Variants in TMPRSS3 observed in about 807,000 individuals in gnomAD.
TMPRSS3 encodes transmembrane protease serine 3.
TMPRSS3 carries 55 observed loss-of-function variants against 59.6 expected under a neutral mutation model. That is an observed-to-expected ratio of 0.92 (90% CI 0.74 to 1.16). The LOEUF (loss-of-function observed/expected upper bound fraction) is 1.16. Ranked by LOEUF, TMPRSS3 falls within the 50% of genes most tolerant of loss-of-function variation. The pLI is 0.00. For synonymous variants in TMPRSS3, 257 were observed against 237.7 expected (o/e 1.08, Z -0.75); for missense variants, 596 against 579.4 (o/e 1.03, Z -0.29).
chr21:42,394,073 A>G (rs2052767311), intron 2 of TMPRSS3, among the ~76,000 whole-genome samples: 1 of 152,214 alleles, frequency 6.6e-6, no homozygotes, highest in African/African-American at 2.4e-5. Context: ...GTCGTGGGTA[A>G]TTTTTAAAAA....
At chr21:42,385,926 G>A (rs776538956) in intron 5 of TMPRSS3, among the ~76,000 whole-genome samples, 5 of 152,080 alleles carry the variant, frequency 3.3e-5, no homozygotes, top group Non-Finnish European at 5.9e-5. Flanking sequence ...CAGTATTGTC[G>A]GGGGGCACCC....
intron 5 of TMPRSS3, among the ~76,000 whole-genome samples, chr21:42,385,811 C>T (rs1386648740): frequency 6.6e-6 from 1 of 152,196 alleles, no homozygotes; most frequent in Non-Finnish European, 1.5e-5. Context: ...CAGTGAGTGA[C>T]CATCTCCTAT....
At position 42,383,058 on chromosome 21, in the gene TMPRSS3, T is replaced by C. The variant is rs2839500; in HGVS notation, c.757A>G (p.Ile253Val). The change falls in exon 8 of 13, where the codon ATC (isoleucine) becomes GTC (valine). Residue 253 changes from isoleucine (I) to valine (V), a missense_variant. Ile to Val is a conservative substitution (Grantham distance 29). Transcript: ENST00000644384. ...GGSVITPLWI[I>V]TAAHCVYDLY... ...TCATAAACACAGTGTGCAGCAGTGATGATCCACAGGGGCGTGATGACAGAG... is the reference window on the plus strand; with the variant it reads ...TCATAAACACAGTGTGCAGCAGTGACGATCCACAGGGGCGTGATGACAGAG... 210,542 of 1,613,874 alleles carry C rather than the reference T, an allele frequency of 0.13. 16,820 individuals are homozygous for C. Among genetic ancestry groups the C allele is most frequent in the East Asian group, 0.33 (14,642 of 44,858 alleles).
chr21:42,379,706 T>C (rs1243301054), intron 10 of TMPRSS3, among the ~76,000 whole-genome samples: 1 of 152,210 alleles, frequency 6.6e-6, no homozygotes, highest in Non-Finnish European at 1.5e-5. Context: ...TTGCTCTTTG[T>C]AGGATGAAAG....
chr21:42,373,950 A>G (rs529098407), intron 12 of TMPRSS3, among the ~76,000 whole-genome samples: 268 of 151,948 alleles, frequency 1.8e-3, no homozygotes, highest in African/African-American at 6.3e-3. Flanking sequence ...CTTAAGGGGG[A>G]CTTTTAGGAT....
In TMPRSS3 at chr21:42,389,936, C is replaced by A; in HGVS notation, c.196G>T (p.Gly66Cys). The A allele has an allele frequency of 6.2e-7, 1 of 1,611,458 alleles. No homozygotes were observed. The highest frequency in any genetic ancestry group is 8.5e-7 in the Non-Finnish European group (1 of 1,177,540). The change falls in exon 3 of 13, where the codon GGT becomes TGT. Residue 66 changes from glycine (G) to cysteine (C), a missense_variant. Physicochemically the swap from Gly to Cys is radical, Grantham distance 159. Coordinates refer to ENST00000644384, the MANE Select transcript of TMPRSS3 (RefSeq NM_001256317.3). ...IIALILALAIGLGIHFDCSGK... is the reference protein window; with the variant it reads ...IIALILALAICLGIHFDCSGK... ...AATGAATTGTACTCACTGCCCAGAC[C>A]AATGGCCAGTGCTAATATCAATGCA...
chr21:42,385,866 T>C (rs1204843695), intron 5 of TMPRSS3, among the ~76,000 whole-genome samples: 6 of 152,128 alleles, frequency 3.9e-5, no homozygotes, highest in East Asian at 3.9e-4. Flanking sequence ...GAAATGCCTT[T>C]TGCTTGGCCT....
At position 42,376,557 on chromosome 21, in the gene TMPRSS3, C is replaced by A; in HGVS notation, c.1175G>T (p.Gly392Val). ...SMLCAGYLTGGVDSCQGDSGG... is the reference protein window; with the variant it reads ...SMLCAGYLTGVVDSCQGDSGG... ...GCCCCGTACCTGGCAGCTGTCCACG[C>A]CACCCGTCAGGTAGCCCGCGCAGAG... is the stretch of plus-strand genomic sequence containing the variant. The change falls in exon 11 of 13, where the codon GGC (glycine) becomes GTC (valine). Residue 392 changes from glycine (G) to valine (V), a missense_variant. By Grantham distance (109) the Gly-to-Val change is moderately radical. Transcript: ENST00000644384. 6.2e-7 allele frequency: 1 copy of A among 1,613,520 alleles called. No individual in the cohort carries two copies. Among genetic ancestry groups the A allele is most frequent in the Non-Finnish European group, 8.5e-7 (1 of 1,179,930 alleles).
At chr21:42,391,362 T>C (rs1283186522) in intron 2 of TMPRSS3, among the ~76,000 whole-genome samples, 2 of 152,200 alleles carry the variant, frequency 1.3e-5, no homozygotes, top group Non-Finnish European at 2.9e-5. Context: ...AGGATGTTGA[T>C]ACACCATTCT....
chr21:42,385,685 A>C, intron 5 of TMPRSS3, 151 bp from the exon 6 acceptor site: 1 of 1,044,114 alleles, frequency 9.6e-7, no homozygotes, highest in Non-Finnish European at 1.4e-6. Flanking sequence ...TGCCAAGAGA[A>C]TGAAGTTCAC....
At chr21:42,385,765 G>C (rs969687853) in intron 5 of TMPRSS3, among the ~76,000 whole-genome samples, 2 of 152,142 alleles carry the variant, frequency 1.3e-5, no homozygotes, top group Admixed American at 6.5e-5. Context: ...GCCTGTACCT[G>C]ACAGCCCCGT....
rs2052542956 is a variant in TMPRSS3, at chr21:42,382,120, C to T, written c.897G>A (p.Lys299=). 2 of 1,614,236 alleles carry T rather than the reference C, an allele frequency of 1.2e-6. No individual in the cohort carries two copies. Among genetic ancestry groups the T allele is most frequent in the African/African-American group, 2.7e-5 (2 of 75,048 alleles). Residue 299 remains lysine (K), a synonymous_variant, in exon 9 of 13, where the codon AAG becomes AAA. Coordinates refer to ENST00000644384, the MANE Select transcript of TMPRSS3 (RefSeq NM_001256317.3). ...KIVYHSKYKP[K]RLGNDIALMK... is the part of the protein sequence containing the mutation. ...TAAGGGCGATGTCATTGCCCAGCCT[C>T]TTTGGCTTGTACTTGCTGTGGTAGA...
At chr21:42,383,888 G>A (rs748136160) in intron 7 of TMPRSS3, 82 bp downstream of exon 7, 5 of 1,454,350 alleles carry the variant, frequency 3.4e-6, no homozygotes, top group South Asian at 1.2e-5. Flanking sequence ...AGCCCCATGG[G>A]GGGAGAGGAC....
At chr21:42,381,330 T>C (rs1440667098) in intron 9 of TMPRSS3, among the ~76,000 whole-genome samples, 1 of 152,232 alleles carries the variant, frequency 6.6e-6, no homozygotes, top group Non-Finnish European at 1.5e-5. Flanking sequence ...AGAACTTTTC[T>C]GTACTTCCAG....
chr21:42,380,241 C>G, intron 9 of TMPRSS3, 29 bp from the exon 10 acceptor site: 1 of 1,573,952 alleles, frequency 6.4e-7, no homozygotes, highest in Non-Finnish European at 8.7e-7. Flanking sequence ...TAGTTCACAA[C>G]TCAATTGAAG....
Position 42,389,679 on chromosome 21 carries a change from C to A in TMPRSS3, c.205+248G>T, listed in dbSNP as rs181080775. ...ATTCTATTTCATCAGCTGCCTTTGG[C>A]CACTCCTAACCGGGCAGGTTCCTTG... On this transcript the variant is annotated intron_variant, in intron 3 of 12. Transcript: ENST00000644384. 5.9e-5 allele frequency among the ~76,000 whole-genome samples: 9 copies of A among 152,362 alleles called. No homozygotes were observed. The East Asian group carries it at 1.7e-3, about 29-fold the overall frequency.
At chr21:42,393,240 G>A (rs561555566) in intron 2 of TMPRSS3, among the ~76,000 whole-genome samples, 2 of 101,494 alleles carry the variant, frequency 2.0e-5, no homozygotes, top group African/African-American at 4.3e-5. Context: ...GCGAGACCTC[G>A]TCTCAAGAAA....
chr21:42,393,659 C>T (rs1451090906), intron 2 of TMPRSS3, among the ~76,000 whole-genome samples: 3 of 152,110 alleles, frequency 2.0e-5, no homozygotes, highest in Non-Finnish European at 2.9e-5. Flanking sequence ...ATATAGAAAA[C>T]GGTTGGAGAG....
intron 6 of TMPRSS3, 121 bp from the exon 7 acceptor site, chr21:42,384,134 G>T: frequency 7.3e-5 from 59 of 803,754 alleles, no homozygotes; most frequent in Middle Eastern, 2.8e-4. Context: ...TTTGAATATA[G>T]ATTACAATTT....
Sources: gnomAD v4.1 joint callset for allele counts (sites outside exome capture counted in the v4.1 genomes callset) on GRCh38, gnomAD v4.1.1 for gene constraint, MANE v1.5 for transcripts, NCBI Gene and HGNC (gene_info 2026-07-23, HGNC 2026-07-21) for gene names.